The following TBL1XR1 variants were observed in gnomAD, a reference collection of about 807,000 sequenced individuals.
TBL1XR1 encodes the protein TBL1X/Y related 1.
TBL1XR1 carries 5 observed loss-of-function variants against 66.9 expected under a neutral mutation model. The observed-to-expected ratio is 0.07, with a 90% CI of 0.04 to 0.16. The LOEUF is 0.16. Among genes scored for constraint, TBL1XR1 ranks in the 10% least tolerant of loss-of-function variants. The probability of loss-of-function intolerance (pLI) is 1.00; values close to 1 mark genes in which losing one functional copy is unlikely to be tolerated. For synonymous variants in TBL1XR1, 210 were observed against 206.0 expected (o/e 1.02, Z -0.17); for missense variants, 238 against 623.2 (o/e 0.38, Z 6.58).
intron 6 of TBL1XR1, 64 bp from the exon 7 acceptor site, chr3:177,050,202 A>G (rs1716865487): frequency 1.3e-6 from 2 of 1,541,266 alleles, no homozygotes; most frequent in Admixed American, 3.7e-5. Flanking sequence ...ACAAGGCAAC[A>G]TATTTACATC....
At chr3:177,030,838 A>G (rs1365234499) in intron 14 of TBL1XR1, among the ~76,000 whole-genome samples, 5 of 152,176 alleles carry the variant, frequency 3.3e-5, no homozygotes, top group African/African-American at 4.8e-5. Flanking sequence ...GAGGCCGGGC[A>G]TGGTGGCTCA....
At chr3:177,181,679 T>G (rs1734841305) in intron 1 of TBL1XR1, among the ~76,000 whole-genome samples, 1 of 151,856 alleles carries the variant, frequency 6.6e-6, no homozygotes, top group African/African-American at 2.4e-5. Context: ...AGTATACACA[T>G]CCTTTGACCT....
chr3:177,061,304 T>C (rs1718486199), intron 3 of TBL1XR1, among the ~76,000 whole-genome samples: 1 of 152,194 alleles, frequency 6.6e-6, no homozygotes, highest in Non-Finnish European at 1.5e-5. Flanking sequence ...CAACAGATAG[T>C]ATCTTATAGT....
intron 2 of TBL1XR1, among the ~76,000 whole-genome samples, chr3:177,083,729 C>T (rs1721741175): frequency 6.6e-6 from 1 of 152,196 alleles, no homozygotes; most frequent in African/African-American, 2.4e-5. Context: ...CATCAGTATA[C>T]TTCTGTAAAT....
At chr3:177,157,192 G>A (rs1352318980) in intron 1 of TBL1XR1, among the ~76,000 whole-genome samples, 3 of 152,106 alleles carry the variant, frequency 2.0e-5, no homozygotes, top group Non-Finnish European at 4.4e-5. Flanking sequence ...CTAAGTAGCA[G>A]AATGAGACTC....
chr3:177,045,080 G>GA (rs746241991), intron 10 of TBL1XR1: 6 of 152,042 alleles, frequency 3.9e-5, no homozygotes, highest in Non-Finnish European at 8.8e-5. Context: ...AGATACTACA[G>GA]AAAAATCATT....
At chr3:177,118,927 G>A (rs940982908) in intron 1 of TBL1XR1, among the ~76,000 whole-genome samples, 8 of 152,028 alleles carry the variant, frequency 5.3e-5, no homozygotes, top group African/African-American at 1.2e-4. Context: ...CCTATAGAAA[G>A]TATAAGCTCA....
intron 1 of TBL1XR1, among the ~76,000 whole-genome samples, chr3:177,170,748 G>T (rs1233127058): frequency 2.6e-5 from 4 of 152,046 alleles, no homozygotes; most frequent in Non-Finnish European, 4.4e-5. Flanking sequence ...GGGAATACAG[G>T]CATGCACCAC....
intron 1 of TBL1XR1, among the ~76,000 whole-genome samples, chr3:177,166,430 T>C (rs1732833566): frequency 6.6e-6 from 1 of 152,212 alleles, no homozygotes; most frequent in Non-Finnish European, 1.5e-5. Context: ...GGTTTGGCTT[T>C]GTGTTCCCAT....
intron 2 of TBL1XR1, among the ~76,000 whole-genome samples, chr3:177,076,731 C>A (rs1720751333): frequency 6.6e-6 from 1 of 152,172 alleles, no homozygotes; most frequent in South Asian, 2.1e-4. Context: ...AAAAACAAAA[C>A]TAACCCTAAT....
At position 177,020,959 on chromosome 3, in the gene TBL1XR1, C is replaced by T. The variant is rs1293867471; in HGVS notation, c.*4539G>A. On this transcript the variant is annotated 3_prime_UTR_variant, in exon 16 of 16. Transcript: ENST00000457928. ...GTAATTAACATGGTCCAGGACAGCA[C>T]AGAACATCTACATCAGTCTTCCTTA... is the stretch of plus-strand genomic sequence containing the variant. The T allele has an allele frequency of 6.6e-6, 1 of 152,142 alleles. No homozygotes were observed. Among genetic ancestry groups the T allele is most frequent in the African/African-American group, 2.4e-5 (1 of 41,438 alleles). The allele number at this position is 152,142 out of a possible 1,614,324, so 9.4% of individuals were successfully genotyped here. A position where few individuals can be genotyped will look rare whatever the true frequency, so the allele number is the denominator to read the frequency against.
intron 1 of TBL1XR1, among the ~76,000 whole-genome samples, chr3:177,099,671 T>C (rs952719040): frequency 1.3e-5 from 2 of 152,264 alleles, no homozygotes; most frequent in Admixed American, 1.3e-4. Context: ...GAGGCACTTA[T>C]GAGCTACTCG....
intron 1 of TBL1XR1, among the ~76,000 whole-genome samples, chr3:177,162,816 G>A (rs1043683726): frequency 1.3e-5 from 2 of 152,110 alleles, no homozygotes; most frequent in African/African-American, 4.8e-5. Context: ...AAAGATGCTC[G>A]ATCTTATTCA....
chr3:177,026,657 C>G, intron 14 of TBL1XR1, 183 bp from the exon 15 acceptor site: 1 of 515,868 alleles, frequency 1.9e-6, no homozygotes, highest in Admixed American at 4.0e-5. Flanking sequence ...AAGATAATAC[C>G]AGCCTGTTCT....
At chr3:177,091,783 G>C (rs980847934) in intron 2 of TBL1XR1, among the ~76,000 whole-genome samples, 1 of 152,144 alleles carries the variant, frequency 6.6e-6, no homozygotes, top group African/African-American at 2.4e-5. Context: ...TTGAAAACTG[G>C]TAAATAAAAG....
chr3:177,122,203 AATGGAATACATTGTTAGGTACT>A (rs1727052743), intron 1 of TBL1XR1, among the ~76,000 whole-genome samples: 1 of 152,036 alleles, frequency 6.6e-6, no homozygotes, highest in Non-Finnish European at 1.5e-5. Context: ...GTGTTTACTA[AATGGAATACATTGTTAGGTACT>A]ATAGAGTACC....
chr3:177,087,240 A>G (rs1335765758), intron 2 of TBL1XR1, among the ~76,000 whole-genome samples: 1 of 151,584 alleles, frequency 6.6e-6, no homozygotes, highest in African/African-American at 2.4e-5. Flanking sequence ...AAAAAAAATT[A>G]AACTAATCAA....
At chr3:177,192,904 G>A (rs886805482) in intron 1 of TBL1XR1, among the ~76,000 whole-genome samples, 1 of 152,126 alleles carries the variant, frequency 6.6e-6, no homozygotes, top group African/African-American at 2.4e-5. Context: ...TATAATCCCA[G>A]CCCTTTGGGA....
chr3:177,201,641 A>G (rs1737343318), upstream of TBL1XR1: 1 of 152,202 alleles, frequency 6.6e-6, no homozygotes, highest in Admixed American at 6.5e-5. Flanking sequence ...TAGCTCATCT[A>G]CATAAAGTAT....
Sources: allele counts gnomAD v4.1 joint callset (sites outside exome capture counted in the v4.1 genomes callset), GRCh38; gene constraint gnomAD v4.1.1; transcripts MANE v1.5; gene names NCBI Gene and HGNC (gene_info 2026-07-23, HGNC 2026-07-21).